Variants in ASIC2 observed in about 807,000 individuals in gnomAD.
ASIC2 encodes acid sensing ion channel subunit 2.
Under a neutral mutation model 57.3 loss-of-function variants are expected in ASIC2, and 25 were observed. The ratio of observed to expected loss-of-function variants is 0.44; its 90% CI spans 0.32 to 0.61. The LOEUF is 0.61. ASIC2 is among the 20% of genes least tolerant of loss of function. The pLI is 0.06. For missense variants in ASIC2, 641 were observed against 738.1 expected (o/e 0.87, Z 1.52); for synonymous variants, 319 against 307.5 (o/e 1.04, Z -0.39).
intron 1 of ASIC2, among the ~76,000 whole-genome samples, chr17:33,239,186 G>A (rs976946973): frequency 6.6e-6 from 1 of 151,898 alleles, no homozygotes; most frequent in African/African-American, 2.4e-5. Context: ...AGCTACTCAG[G>A]AGGCTGAGGC....
At chr17:33,112,321 T>G (rs2092261855) in intron 1 of ASIC2, among the ~76,000 whole-genome samples, 1 of 152,200 alleles carries the variant, frequency 6.6e-6, no homozygotes, top group Non-Finnish European at 1.5e-5. Flanking sequence ...CTTCTTCCTC[T>G]GAGCACTACC....
At chr17:33,305,557 G>T (rs1294219687) in intron 1 of ASIC2, among the ~76,000 whole-genome samples, 1 of 152,140 alleles carries the variant, frequency 6.6e-6, no homozygotes, top group Admixed American at 6.5e-5. Flanking sequence ...ACATAAAAAA[G>T]ATGTTTAAAA....
At chr17:33,510,300 C>T (rs1914392272) in intron 1 of ASIC2, among the ~76,000 whole-genome samples, 1 of 152,124 alleles carries the variant, frequency 6.6e-6, no homozygotes, top group African/African-American at 2.4e-5. Context: ...TAAAGTGACC[C>T]AACATTTAAA....
chr17:33,966,124 G>A (rs1905066585), intron 1 of ASIC2, among the ~76,000 whole-genome samples: 1 of 152,224 alleles, frequency 6.6e-6, no homozygotes, highest in African/African-American at 2.4e-5. Flanking sequence ...GAACAATTCT[G>A]TAGAACAAGG....
intron 1 of ASIC2, among the ~76,000 whole-genome samples, chr17:33,353,147 A>G (rs1908249355): frequency 1.3e-5 from 2 of 152,044 alleles, no homozygotes; most frequent in South Asian, 2.1e-4. Context: ...ATAATATTCA[A>G]TCTCATTAAT....
intron 1 of ASIC2, among the ~76,000 whole-genome samples, chr17:33,400,323 GGGT>G (rs1910237978): frequency 1.3e-5 from 2 of 152,180 alleles, no homozygotes; most frequent in Non-Finnish European, 2.9e-5. Context: ...GAATCTGTCA[GGGT>G]CTAAAATTTC....
intron 1 of ASIC2, among the ~76,000 whole-genome samples, chr17:33,476,434 T>A (rs577023245): frequency 6.6e-6 from 1 of 151,952 alleles, no homozygotes; most frequent in South Asian, 2.1e-4. Context: ...TCTTTGCTAT[T>A]ATTAGCAATG....
chr17:33,608,444 G>A (rs959344826), intron 1 of ASIC2, among the ~76,000 whole-genome samples: 4 of 152,118 alleles, frequency 2.6e-5, no homozygotes, highest in Non-Finnish European at 4.4e-5. Flanking sequence ...TAGGTCGTAG[G>A]AATCCACACA....
chr17:33,319,819 C>T (rs536676611), intron 1 of ASIC2, among the ~76,000 whole-genome samples: 2 of 152,200 alleles, frequency 1.3e-5, no homozygotes, highest in Admixed American at 1.3e-4. Context: ...GAGGCATGAG[C>T]CACTGTGCCT....
rs1159928459 is a variant in ASIC2, at chr17:33,449,404, C to G, written c.556-337337G>C. ...TTCCTGTATTTTTCCATTCTCTCTT[C>G]TCTGTAGCTTCTCCATCAAGATGTC... On this transcript the variant is annotated intron_variant, in intron 1 of 9. Transcript: ENST00000359872. 2.0e-5 allele frequency among the ~76,000 whole-genome samples: 3 copies of G among 152,332 alleles called. No homozygotes were observed. In the East Asian group the frequency reaches 5.8e-4, roughly 29 times the overall value.
chr17:33,065,343 ATT>A (rs35416686), intron 3 of ASIC2, among the ~76,000 whole-genome samples: 23 of 144,090 alleles, frequency 1.6e-4, no homozygotes, highest in Admixed American at 2.1e-4. Flanking sequence ...ACTTCCTGCT[ATT>A]TTTTTTTTTT....
At chr17:33,795,397 C>A (rs745529748) in intron 1 of ASIC2, among the ~76,000 whole-genome samples, 1 of 152,264 alleles carries the variant, frequency 6.6e-6, no homozygotes, top group Non-Finnish European at 1.5e-5. Context: ...CTCTTTGCCC[C>A]ATCCTTTTTG....
In ASIC2 at chr17:33,942,201, C is replaced by T. The variant is rs548751582; in HGVS notation, c.555+213777G>A. On this transcript the variant is annotated intron_variant, in intron 1 of 9. Transcript: ENST00000359872. ...GTAACTTAAGCAATGCCTGAAAGCC[C>T]CTGGAGAGCTGGGGAATCCAAGTGT... Among the ~76,000 whole-genome samples, 4 of 152,130 alleles carry T rather than the reference C, an allele frequency of 2.6e-5. No homozygotes were observed. In the East Asian group the frequency reaches 5.8e-4, roughly 22 times the overall value.
At chr17:33,237,128 T>G (rs1481483711) in intron 1 of ASIC2, among the ~76,000 whole-genome samples, 2 of 152,150 alleles carry the variant, frequency 1.3e-5, no homozygotes, top group Non-Finnish European at 2.9e-5. Flanking sequence ...CTGAGGACAG[T>G]GCTGCTGAGA....
rs561360442 is a variant in ASIC2, at chr17:33,946,077, C to A, written c.555+209901G>T. Among the ~76,000 whole-genome samples the A allele has an allele frequency of 7.9e-5, 12 of 152,242 alleles. No individual in the cohort carries two copies. In the South Asian group the frequency reaches 2.3e-3, roughly 29 times the overall value. Reference sequence around the variant, plus strand: ...TTAACTGTGATTAAGGCACTATGCACCTCCTAGGTGGTGAATTGGAGGAGG... The same window carrying A: ...TTAACTGTGATTAAGGCACTATGCAACTCCTAGGTGGTGAATTGGAGGAGG... On this transcript the variant is annotated intron_variant, in intron 1 of 9. Coordinates refer to the ASIC2 transcript ENST00000359872.
At chr17:33,730,282 G>A (rs1909701340) in intron 1 of ASIC2, among the ~76,000 whole-genome samples, 1 of 152,194 alleles carries the variant, frequency 6.6e-6, no homozygotes, top group South Asian at 2.1e-4. Flanking sequence ...TCTGAGCACA[G>A]GGAGAGGTAA....
At chr17:33,862,345 T>G (rs1295496452) in intron 1 of ASIC2, among the ~76,000 whole-genome samples, 1 of 152,024 alleles carries the variant, frequency 6.6e-6, no homozygotes, top group Admixed American at 6.6e-5. Context: ...AGATATAGAG[T>G]ATTTATTTAC....
At chr17:33,894,352 T>TGC (rs1243862258) in intron 1 of ASIC2, among the ~76,000 whole-genome samples, 39 of 48,296 alleles carry the variant, frequency 8.1e-4, no homozygotes, top group East Asian at 1.9e-3. Flanking sequence ...CGTGCGTGCG[T>TGC]GTGTGTGTGT....
intron 1 of ASIC2, among the ~76,000 whole-genome samples, chr17:34,138,395 C>T (rs910991208): frequency 9.9e-5 from 15 of 152,190 alleles, no homozygotes. Flanking sequence ...GCTGCCCCAC[C>T]TCTCCCACTC....
Sources: allele counts gnomAD v4.1 joint callset (sites outside exome capture counted in the v4.1 genomes callset), GRCh38; gene constraint gnomAD v4.1.1; transcripts MANE v1.5; gene names NCBI Gene and HGNC (gene_info 2026-07-23, HGNC 2026-07-21).